The following SPOCK3 variants were observed in gnomAD, a reference collection of about 807,000 sequenced individuals.
The protein encoded by SPOCK3 is SPARC (osteonectin), cwcv and kazal like domains proteoglycan 3, also known as testican-3.
SPOCK3 carries 30 observed loss-of-function variants against 56.6 expected under a neutral mutation model. The ratio of observed to expected loss-of-function variants is 0.53; its 90% CI spans 0.40 to 0.72. SPOCK3 has a LOEUF of 0.72. SPOCK3 is among the 30% of genes least tolerant of loss of function. The pLI, the probability that SPOCK3 is intolerant of heterozygous loss-of-function variation, is 0.00. For synonymous variants in SPOCK3, 196 were observed against 183.3 expected (o/e 1.07, Z -0.56); for missense variants, 527 against 530.0 (o/e 0.99, Z 0.06).
chr4:167,064,550 C>T (rs564474600), intron 2 of SPOCK3, among the ~76,000 whole-genome samples: 4 of 151,656 alleles, frequency 2.6e-5, no homozygotes, highest in African/African-American at 9.7e-5. Context: ...ATGTATCTTA[C>T]TATTTGAGGA....
chr4:166,820,809 C>G (rs1023778209), intron 6 of SPOCK3, among the ~76,000 whole-genome samples: 5 of 151,736 alleles, frequency 3.3e-5, no homozygotes, highest in Admixed American at 6.6e-5. Context: ...CAGAGTAAGA[C>G]CCGTCTCAAA....
Position 166,792,156 on chromosome 4 carries a change from T to A in SPOCK3, c.709+14A>T, listed in dbSNP as rs1638652452. The A allele has an allele frequency of 1.2e-6, 2 of 1,613,550 alleles. No homozygotes were observed. The highest frequency in any genetic ancestry group is 1.1e-5 in the South Asian group (1 of 91,080). ...AACAGATACAGTAGCAATGATCAAA[T>A]TTAGAAATCTTACTGCTTCTCTCAG... On this transcript the variant is annotated intron_variant, in intron 7 of 10. Transcript: ENST00000357545.
chr4:166,812,214 A>G (rs1297473994), intron 6 of SPOCK3, among the ~76,000 whole-genome samples: 1 of 151,946 alleles, frequency 6.6e-6, no homozygotes, highest in Non-Finnish European at 1.5e-5. Flanking sequence ...AGTAATGCAC[A>G]AAATTAATCA....
rs139083588 is a variant in SPOCK3, at chr4:166,844,167, A to C, written c.589+44963T>G. Reference sequence around the variant, plus strand: ...TGATGTCTTGTGTTTCTTTGGGTCAAAAACAAATAAACAAAAGGTACCAGA... The same window carrying C: ...TGATGTCTTGTGTTTCTTTGGGTCACAAACAAATAAACAAAAGGTACCAGA... On this transcript the variant is annotated intron_variant, in intron 6 of 10. Coordinates refer to ENST00000357545, the MANE Select transcript of SPOCK3 (RefSeq NM_001040159.2). 9.4e-4 allele frequency among the ~76,000 whole-genome samples: 143 copies of C among 152,316 alleles called. 1 individual carries two copies. The highest frequency in any genetic ancestry group is 3.2e-3 in the African/African-American group (134 of 41,572).
At chr4:166,952,633 C>T (rs1048181674) in intron 4 of SPOCK3, among the ~76,000 whole-genome samples, 3 of 152,150 alleles carry the variant, frequency 2.0e-5, no homozygotes, top group Admixed American at 6.5e-5. Flanking sequence ...CAAGGCAATC[C>T]TAAGTCAAAA....
intron 2 of SPOCK3, among the ~76,000 whole-genome samples, chr4:167,160,981 T>C (rs1452919128): frequency 6.6e-6 from 1 of 152,050 alleles, no homozygotes; most frequent in Non-Finnish European, 1.5e-5. Flanking sequence ...GACATAGGCA[T>C]GGGCAAGGAC....
At chr4:167,081,553 C>G (rs1333605933) in intron 2 of SPOCK3, among the ~76,000 whole-genome samples, 1 of 151,910 alleles carries the variant, frequency 6.6e-6, no homozygotes, top group African/African-American at 2.4e-5. Flanking sequence ...CACAACCCCA[C>G]CAAAAAGGAA....
rs539452965 is a variant in SPOCK3, at chr4:167,198,444, T to C, written c.189+35541A>G. Among the ~76,000 whole-genome samples, 50 of 152,214 alleles carry C rather than the reference T, an allele frequency of 3.3e-4. 1 individual carries two copies. In the Middle Eastern group the frequency reaches 0.01, roughly 31 times the overall value. ...TATAGCTTCTCTAAAAAGTAAGAGTTAATGAATCCCATGTCTACGCAAATA... is the reference window on the plus strand; with the variant it reads ...TATAGCTTCTCTAAAAAGTAAGAGTCAATGAATCCCATGTCTACGCAAATA... On this transcript the variant is annotated intron_variant, in intron 2 of 10. Coordinates refer to ENST00000357545, the MANE Select transcript of SPOCK3 (RefSeq NM_001040159.2).
At chr4:166,808,237 C>T (rs533723087) in intron 6 of SPOCK3, among the ~76,000 whole-genome samples, 1 of 152,150 alleles carries the variant, frequency 6.6e-6, no homozygotes, top group East Asian at 1.9e-4. Flanking sequence ...TCACTGACCT[C>T]TAGTTGATTT....
At chr4:166,784,034 C>T (rs934894689) in intron 7 of SPOCK3, among the ~76,000 whole-genome samples, 1 of 151,810 alleles carries the variant, frequency 6.6e-6, no homozygotes, top group African/African-American at 2.4e-5. Context: ...GCTAAAATTG[C>T]TTAACACCCT....
chr4:167,189,743 T>C (rs1413448288), intron 2 of SPOCK3, among the ~76,000 whole-genome samples: 1 of 145,754 alleles, frequency 6.9e-6, no homozygotes, highest in South Asian at 2.1e-4. Flanking sequence ...CTTTTTCATC[T>C]CATAATTGAA....
At chr4:167,032,230 C>T (rs1752342031) in intron 3 of SPOCK3, among the ~76,000 whole-genome samples, 1 of 151,860 alleles carries the variant, frequency 6.6e-6, no homozygotes, top group African/African-American at 2.4e-5. Flanking sequence ...AAGTTTTCCA[C>T]TTCTTACATA....
At chr4:166,882,197 G>A (rs909528844) in intron 6 of SPOCK3, among the ~76,000 whole-genome samples, 9 of 152,154 alleles carry the variant, frequency 5.9e-5, no homozygotes, top group East Asian at 5.8e-4. Flanking sequence ...AAGTTAAAGT[G>A]TAGAGATAGT....
At chr4:166,895,896 C>T (rs1464866295) in intron 5 of SPOCK3, among the ~76,000 whole-genome samples, 1 of 152,114 alleles carries the variant, frequency 6.6e-6, no homozygotes, top group East Asian at 1.9e-4. Context: ...GTAAAGTCTC[C>T]CCTTGAGTAA....
chr4:167,174,135 C>T (rs1730753650), intron 2 of SPOCK3, among the ~76,000 whole-genome samples: 1 of 151,914 alleles, frequency 6.6e-6, no homozygotes, highest in African/African-American at 2.4e-5. Context: ...ATGGAATATC[C>T]ATCCAAATAA....
chr4:166,779,866 A>G (rs1302343440), intron 7 of SPOCK3, among the ~76,000 whole-genome samples: 1 of 152,198 alleles, frequency 6.6e-6, no homozygotes, highest in East Asian at 1.9e-4. Flanking sequence ...CAGGAAGAAT[A>G]TGACACATAG....
chr4:166,766,003 T>C (rs1737985813), intron 7 of SPOCK3, among the ~76,000 whole-genome samples: 2 of 152,204 alleles, frequency 1.3e-5, no homozygotes, highest in Non-Finnish European at 2.9e-5. Context: ...GTTATTGGTG[T>C]ATAAGAATAC....
intron 4 of SPOCK3, among the ~76,000 whole-genome samples, chr4:166,920,431 G>T (rs755708638): frequency 1.3e-5 from 2 of 152,068 alleles, no homozygotes; most frequent in African/African-American, 4.8e-5. Flanking sequence ...GTATGAATTG[G>T]TTCTATTTAA....
intron 3 of SPOCK3, among the ~76,000 whole-genome samples, chr4:167,062,138 T>C (rs1755670412): frequency 6.6e-6 from 1 of 151,866 alleles, no homozygotes; most frequent in South Asian, 2.1e-4. Flanking sequence ...AAAAGCCATT[T>C]GTTTTAAAAG....
Sources: gnomAD v4.1 joint callset for allele counts (sites outside exome capture counted in the v4.1 genomes callset) on GRCh38, gnomAD v4.1.1 for gene constraint, MANE v1.5 for transcripts, NCBI Gene and HGNC (gene_info 2026-07-23, HGNC 2026-07-21) for gene names.